Variants in SFXN5 observed in about 807,000 individuals in gnomAD.
The protein encoded by SFXN5 is sideroflexin-5.
In SFXN5, 43 loss-of-function variants were observed where a neutral mutation model predicts 50.2. That is an observed-to-expected ratio of 0.86 (90% CI 0.67 to 1.11). The LOEUF (loss-of-function observed/expected upper bound fraction) is 1.11. Among genes scored for constraint, SFXN5 ranks in the 50% least tolerant of loss-of-function variants. SFXN5 has a pLI of 0.00. For missense variants in SFXN5, 463 were observed against 454.1 expected, an observed-to-expected ratio of 1.02 and a Z score of -0.18; for synonymous variants, 203 against 185.8, an observed-to-expected ratio of 1.09 and a Z score of -0.75.
chr2:72,952,821 G>C (rs1219927457), intron 13 of SFXN5, among the ~76,000 whole-genome samples: 1 of 152,174 alleles, frequency 6.6e-6, no homozygotes, highest in African/African-American at 2.4e-5. Flanking sequence ...GCTGTGTAAA[G>C]AGGACAGCAC....
chr2:73,059,569 C>T lies in SFXN5; in HGVS notation c.103-973G>A, dbSNP rs543212363. The T allele has an allele frequency of 1.7e-5, 17 of 985,338 alleles. No individual in the cohort carries two copies. In the African/African-American group the frequency reaches 2.8e-4, roughly 16 times the overall value. The allele number at this position is 985,338 out of a possible 1,614,324, so 61.0% of individuals were successfully genotyped here. On this transcript the variant is annotated intron_variant, in intron 1 of 13. Transcript: ENST00000272433. Reference sequence around the variant, plus strand: ...CCCTGCAATAGGCTCCAGGTCACCTCAAAGTCCCCCCACACACCAGTTCTC... The same window carrying T: ...CCCTGCAATAGGCTCCAGGTCACCTTAAAGTCCCCCCACACACCAGTTCTC...
chr2:73,022,176 A>C (rs1676977770), intron 5 of SFXN5, among the ~76,000 whole-genome samples: 1 of 152,156 alleles, frequency 6.6e-6, no homozygotes, highest in Non-Finnish European at 1.5e-5. Context: ...AGGGGGAATG[A>C]CTTGCAGAAG....
chr2:73,047,297 TA>T (rs1243579050), intron 2 of SFXN5, among the ~76,000 whole-genome samples: 10 of 64,650 alleles, frequency 1.5e-4, no homozygotes, highest in East Asian at 1.1e-3. Context: ...TATATATATA[TA>T]AAATATATAT....
At position 72,960,773 on chromosome 2, in the gene SFXN5, G is replaced by A. The variant is rs1023636004; in HGVS notation, c.945+358C>T. ...CTCAGAACCTTCACACCAGGTGTCC[G>A]CGGACCTCACATCTCCCCCCGCCAC... On this transcript the variant is annotated intron_variant, in intron 13 of 13. Coordinates refer to ENST00000272433, the MANE Select transcript of SFXN5 (RefSeq NM_144579.3). This position sits in a 1 kb window ranked among gnomAD's most constrained non-coding sequence, Gnocchi z 6.1. Among the ~76,000 whole-genome samples, 18 of 152,144 alleles carry A rather than the reference G, an allele frequency of 1.2e-4. No homozygotes were observed. The highest frequency in any genetic ancestry group is 4.2e-4 in the South Asian group (2 of 4,812).
intron 6 of SFXN5, among the ~76,000 whole-genome samples, chr2:73,015,027 A>G (rs1008326311): frequency 2.6e-5 from 4 of 152,192 alleles, no homozygotes; most frequent in Admixed American, 2.6e-4. Flanking sequence ...TACCCTGTCC[A>G]ACACATTAAG....
intron 9 of SFXN5, among the ~76,000 whole-genome samples, chr2:72,991,516 G>T (rs1035894288): frequency 6.6e-6 from 1 of 152,238 alleles, no homozygotes; most frequent in African/African-American, 2.4e-5. Flanking sequence ...TGGCAGGGAG[G>T]GCGTGGACAC....
intron 13 of SFXN5, among the ~76,000 whole-genome samples, chr2:72,952,805 C>T (rs1210968232): frequency 2.0e-5 from 3 of 152,162 alleles, no homozygotes; most frequent in Admixed American, 6.5e-5. Flanking sequence ...AGAAAACCTG[C>T]GTGATGCTGT....
chr2:73,019,949 T>C, intron 6 of SFXN5: 1 of 301,650 alleles, frequency 3.3e-6, no homozygotes. Context: ...AAAACTTCCC[T>C]ATGACTAGCA....
intron 3 of SFXN5, among the ~76,000 whole-genome samples, chr2:73,037,342 C>G (rs1447961595): frequency 6.6e-6 from 1 of 152,132 alleles, no homozygotes; most frequent in Non-Finnish European, 1.5e-5. Flanking sequence ...AGCTTCCTAC[C>G]TGCTCTATCC....
At chr2:73,013,892 C>T (rs568246613) in intron 6 of SFXN5, among the ~76,000 whole-genome samples, 11 of 152,126 alleles carry the variant, frequency 7.2e-5, no homozygotes, top group Admixed American at 2.6e-4. Flanking sequence ...AACAGTATCA[C>T]GAAGCCGGTG....
chr2:72,952,373 C>T (rs766180008), intron 13 of SFXN5, among the ~76,000 whole-genome samples: 19 of 152,200 alleles, frequency 1.2e-4, no homozygotes, highest in Admixed American at 2.0e-4. Context: ...CATCCCCAGG[C>T]ACAGGCTCAT....
At position 72,961,061 on chromosome 2, in the gene SFXN5, G is replaced by T; in HGVS notation, c.945+70C>A. The T allele has an allele frequency of 9.0e-7, 1 of 1,115,938 alleles. No individual in the cohort carries two copies. Among genetic ancestry groups the T allele is most frequent in the Non-Finnish European group, 1.2e-6 (1 of 804,154 alleles). 69.1% of individuals were successfully genotyped at this position (1,115,938 alleles called of 1,614,324 possible). A position where few individuals can be genotyped will look rare whatever the true frequency, so the allele number is the denominator to read the frequency against. Reference sequence around the variant, plus strand: ...TGGCGCTAAGGAGTCGGCACGGTATGAGTATTTGTTCAGAAATCACCAAAC... The same window carrying T: ...TGGCGCTAAGGAGTCGGCACGGTATTAGTATTTGTTCAGAAATCACCAAAC... On this transcript the variant is annotated intron_variant, in intron 13 of 13. Transcript: ENST00000272433. The surrounding 1 kb of genome is among the most constrained non-coding windows in gnomAD (Gnocchi z 4.4).
intron 12 of SFXN5, among the ~76,000 whole-genome samples, chr2:72,963,059 C>T (rs1181158936): frequency 3.3e-5 from 5 of 152,074 alleles, no homozygotes; most frequent in Admixed American, 3.3e-4. Flanking sequence ...ATGAACTTCT[C>T]AAGCAAGATG....
intron 4 of SFXN5, 60 bp downstream of exon 4, chr2:73,023,128 G>A (rs143267731): frequency 3.3e-5 from 52 of 1,556,068 alleles, no homozygotes; most frequent in Non-Finnish European, 4.2e-5. Context: ...CCCTGGGACA[G>A]GGCAGGGTGG....
Position 73,047,952 on chromosome 2 carries a change from CAA to C in SFXN5, c.172-7023_172-7022del, listed in dbSNP as rs376251375. ...ATGAAAAAGAAACCACCCAAATGGT[CAA>C]GAGTAAATAATTAATAGAATAACCA... On this transcript the variant is annotated intron_variant, in intron 2 of 13. Transcript: ENST00000272433. Among the ~76,000 whole-genome samples, 675 of 152,062 alleles carry C rather than the reference CAA, an allele frequency of 4.4e-3. 9 individuals are homozygous for C. The highest frequency in any genetic ancestry group is 0.015 in the African/African-American group (602 of 41,432).
chr2:73,036,179 A>T (rs1185691831), intron 3 of SFXN5, among the ~76,000 whole-genome samples: 4 of 152,242 alleles, frequency 2.6e-5, no homozygotes, highest in African/African-American at 9.6e-5. Flanking sequence ...GGCCAGGAAC[A>T]GTGACTGTTA....
In SFXN5 at chr2:72,962,905, C is replaced by T. The variant is rs146409249; in HGVS notation, c.828-1657G>A. Among the ~76,000 whole-genome samples, 413 of 152,232 alleles carry T rather than the reference C, an allele frequency of 2.7e-3. 4 individuals carry two copies. The highest frequency in any genetic ancestry group is 4.0e-3 in the Non-Finnish European group (269 of 68,014). On this transcript the variant is annotated intron_variant, in intron 12 of 13. Transcript: ENST00000272433. Reference sequence around the variant, plus strand: ...AGGATTGAGCAGTAGGACCAAGGTGCCTAAATCAAGCCCAAACCCCTCTGA... The same window carrying T: ...AGGATTGAGCAGTAGGACCAAGGTGTCTAAATCAAGCCCAAACCCCTCTGA...
chr2:72,949,813 G>A (rs946291603), intron 13 of SFXN5, among the ~76,000 whole-genome samples: 2 of 152,128 alleles, frequency 1.3e-5, no homozygotes, highest in African/African-American at 2.4e-5. Flanking sequence ...CCAATTCCAC[G>A]TGGGGGTGAG....
chr2:73,012,961 G>GT lies in SFXN5; in HGVS notation c.357+7277dup, dbSNP rs375940296. Among the ~76,000 whole-genome samples the GT allele has an allele frequency of 4.5e-3, 688 of 152,132 alleles. 9 individuals are homozygous for GT. Among genetic ancestry groups the GT allele is most frequent in the African/African-American group, 0.015 (623 of 41,506 alleles). On this transcript the variant is annotated intron_variant, in intron 6 of 13. Coordinates refer to ENST00000272433, the MANE Select transcript of SFXN5 (RefSeq NM_144579.3). The stretch of plus-strand genomic sequence containing the variant: ...TACTATAAAATATGACAGATGAATG[G>GT]TAAGTAGAGAAAATTAGGATGCTCC...
Sources: gnomAD v4.1 joint callset for allele counts (sites outside exome capture counted in the v4.1 genomes callset) on GRCh38, gnomAD v4.1.1 for gene constraint, Gnocchi (gnomAD v3.1) non-coding constraint, MANE v1.5 for transcripts, NCBI Gene and HGNC (gene_info 2026-07-23, HGNC 2026-07-21) for gene names.